Variants in STAG1 observed in about 807,000 individuals in gnomAD.
STAG1 encodes the protein cohesin subunit SA-1.
A neutral mutation model predicts 170.9 loss-of-function variants in STAG1; 26 were observed. The observed-to-expected ratio is 0.15, with a 90% confidence interval of 0.11 to 0.21. The LOEUF is 0.21. Among genes scored for constraint, STAG1 ranks in the 10% least tolerant of loss-of-function variants. The pLI is 1.00. For missense variants in STAG1, 964 were observed against 1,509.5 expected (o/e 0.64, Z 5.99); for synonymous variants, 514 against 497.7 (o/e 1.03, Z -0.44).
chr3:136,352,685 A>G (rs1936480525), intron 28 of STAG1, among the ~76,000 whole-genome samples: 1 of 152,178 alleles, frequency 6.6e-6, no homozygotes, highest in Admixed American at 6.5e-5. Context: ...CTATACAATC[A>G]TTCTGTTTTG....
intron 28 of STAG1, among the ~76,000 whole-genome samples, chr3:136,355,107 C>A (rs1346623954): frequency 2.0e-5 from 3 of 151,800 alleles, no homozygotes; most frequent in Non-Finnish European, 4.4e-5. Flanking sequence ...AATCCCAGCA[C>A]TTTGGGAGGC....
At chr3:136,559,058 A>G (rs1372189295) in intron 5 of STAG1, among the ~76,000 whole-genome samples, 1 of 152,174 alleles carries the variant, frequency 6.6e-6, no homozygotes, top group Non-Finnish European at 1.5e-5. Context: ...GGCACTTTAT[A>G]TTCAGTCTTT....
At position 136,370,048 on chromosome 3, in the gene STAG1, T is replaced by TTACTA. The variant is rs71157375; in HGVS notation, c.2371-771_2371-767dup. ...ATGACTATGTTACTGGCGTATGTAT[T>TTACTA]TACTATACTATACTATACTATACTA... On this transcript the variant is annotated intron_variant, in intron 23 of 33. Coordinates refer to ENST00000383202, the MANE Select transcript of STAG1 (RefSeq NM_005862.3). Among the ~76,000 whole-genome samples, 743 of 150,218 alleles carry TTACTA rather than the reference T, an allele frequency of 4.9e-3. 5 individuals are homozygous for TTACTA. The highest frequency in any genetic ancestry group is 0.017 in the Middle Eastern group (5 of 288).
At chr3:136,573,020 T>G (rs897824249) in intron 4 of STAG1, among the ~76,000 whole-genome samples, 1 of 151,786 alleles carries the variant, frequency 6.6e-6, no homozygotes, top group Admixed American at 6.6e-5. Flanking sequence ...TACAAAACAT[T>G]TTAAAATAAT....
At chr3:136,486,999 CAAAAAAAAAAAAA>C (rs536392595) in intron 9 of STAG1, among the ~76,000 whole-genome samples, 39 of 54,662 alleles carry the variant, frequency 7.1e-4, no homozygotes, top group African/African-American at 1.9e-3. Flanking sequence ...TTTATTTCTT[CAAAAAAAAAAAAA>C]AAAAAAAAAA....
chr3:136,425,002 G>A (rs531524943), intron 16 of STAG1, among the ~76,000 whole-genome samples: 3 of 152,152 alleles, frequency 2.0e-5, no homozygotes, highest in Admixed American at 2.0e-4. Flanking sequence ...ACCACACCTA[G>A]CTAATTTTTG....
At chr3:136,522,734 G>A (rs1434090879) in intron 6 of STAG1, among the ~76,000 whole-genome samples, 2 of 85,780 alleles carry the variant, frequency 2.3e-5, no homozygotes, top group Non-Finnish European at 4.4e-5. Flanking sequence ...CCCACCCCAC[G>A]GCAGGTCCCA....
intron 1 of STAG1, among the ~76,000 whole-genome samples, chr3:136,637,402 C>T (rs757799990): frequency 3.4e-4 from 52 of 152,126 alleles, no homozygotes; most frequent in Non-Finnish European, 6.6e-4. Context: ...ATTAAGCAGA[C>T]AGAAGGATAT....
At chr3:136,361,085 G>A (rs1936846427) in intron 26 of STAG1, among the ~76,000 whole-genome samples, 1 of 152,158 alleles carries the variant, frequency 6.6e-6, no homozygotes, top group Admixed American at 6.5e-5. Flanking sequence ...GAATATCAAA[G>A]TAAAAGTTAT....
intron 1 of STAG1, among the ~76,000 whole-genome samples, chr3:136,660,536 T>C (rs988522995): frequency 6.6e-6 from 1 of 152,204 alleles, no homozygotes; most frequent in African/African-American, 2.4e-5. Flanking sequence ...CTAATGATTA[T>C]ACTGTAACAC....
chr3:136,359,368 T>C, intron 26 of STAG1, 72 bp from the exon 27 acceptor site: 1 of 1,115,196 alleles, frequency 9.0e-7, no homozygotes, highest in East Asian at 2.6e-5. Flanking sequence ...GAATAGGTAA[T>C]TAAAAAATAT....
rs993777873 is a variant in STAG1 at position 136,527,940 on chromosome 3, C to T, written c.472-6523G>A. ...CAAATGTTGCCACCTGATTGTTCCT[C>T]GGGAAGCTTCATCTCAGAGGGTTAT... is the stretch of plus-strand genomic sequence containing the variant. On this transcript the variant is annotated intron_variant, in intron 6 of 33. Transcript: ENST00000383202. 3.9e-5 allele frequency among the ~76,000 whole-genome samples: 6 copies of T among 152,246 alleles called. No individual in the cohort carries two copies. In the South Asian group the frequency reaches 6.2e-4, roughly 16 times the overall value.
intron 1 of STAG1, among the ~76,000 whole-genome samples, chr3:136,740,249 AAGAG>A (rs766641522): frequency 2.0e-5 from 3 of 152,182 alleles, no homozygotes; most frequent in South Asian, 2.1e-4. Flanking sequence ...TCTCAAAAAA[AAGAG>A]AGAATTTTAA....
intron 7 of STAG1, among the ~76,000 whole-genome samples, chr3:136,507,797 G>A (rs1398721769): frequency 6.6e-6 from 1 of 152,138 alleles, no homozygotes; most frequent in Non-Finnish European, 1.5e-5. Context: ...AAACCTGTCT[G>A]AAGATTGAGT....
chr3:136,629,593 G>T (rs1940246822), intron 2 of STAG1, among the ~76,000 whole-genome samples: 3 of 151,836 alleles, frequency 2.0e-5, no homozygotes, highest in Admixed American at 6.6e-5. Flanking sequence ...CGAAAGGACA[G>T]GAGGACAGTA....
At chr3:136,394,938 C>CAAAAAA (rs778204800) in intron 22 of STAG1, among the ~76,000 whole-genome samples, 1 of 59,314 alleles carries the variant, frequency 1.7e-5, no homozygotes, top group Non-Finnish European at 3.7e-5. Context: ...GACTCTGTCT[C>CAAAAAA]AAAAAAAAAA....
intron 4 of STAG1, among the ~76,000 whole-genome samples, chr3:136,586,125 T>C (rs904257836): frequency 6.6e-5 from 10 of 152,286 alleles, no homozygotes; most frequent in African/African-American, 2.4e-4. Flanking sequence ...AAGTCCACCA[T>C]ATTTCATATA....
chr3:136,749,361 G>C (rs1935113118), intron 1 of STAG1, among the ~76,000 whole-genome samples: 1 of 152,178 alleles, frequency 6.6e-6, no homozygotes, highest in Non-Finnish European at 1.5e-5. Flanking sequence ...GCAAGGATCT[G>C]AGAGCAGTCC....
intron 21 of STAG1, among the ~76,000 whole-genome samples, chr3:136,401,157 T>C (rs1006579313): frequency 6.6e-6 from 1 of 152,210 alleles, no homozygotes; most frequent in Non-Finnish European, 1.5e-5. Context: ...AAAATAGTTT[T>C]GACTTCATGG....
Sources: gnomAD v4.1 joint callset for allele counts (sites outside exome capture counted in the v4.1 genomes callset) on GRCh38, gnomAD v4.1.1 for gene constraint, MANE v1.5 for transcripts, NCBI Gene and HGNC (gene_info 2026-07-23, HGNC 2026-07-21) for gene names.